Variants in ESPNL observed in about 807,000 individuals in gnomAD.
The protein encoded by ESPNL is espin like.
A neutral mutation model predicts 46.8 loss-of-function variants in ESPNL; 49 were observed. The observed-to-expected ratio is 1.05, with a 90% CI of 0.83 to 1.33. The LOEUF is 1.33. ESPNL is among the 40% of genes most tolerant of loss of function. The pLI, the probability that ESPNL is intolerant of heterozygous loss-of-function variation, is 0.00. For synonymous variants in ESPNL, 664 were observed against 662.1 expected (o/e 1.00, Z -0.04); for missense variants, 1,540 against 1,436.6 (o/e 1.07, Z -1.16).
Position 238,130,284 on chromosome 2 carries a change from C to G in ESPNL, c.1570C>G (p.Gln524Glu), listed in dbSNP as rs1559269304. 6.2e-7 allele frequency: 1 copy of G among 1,607,632 alleles called. No homozygotes were observed. Among genetic ancestry groups the G allele is most frequent in the Non-Finnish European group, 8.5e-7 (1 of 1,177,614 alleles). ...AGACCTGCAGCTTCGGCGCCGCTGT[C>G]AGGAGTATGAGAGTGAGCTGGGCCG... Reference protein sequence around the residue: ...IADLQLRRRCQEYESELGRLA... With the variant: ...IADLQLRRRCEEYESELGRLA... Residue 524 changes from glutamine to glutamate, a missense_variant, in exon 9 of 9, where the codon CAG becomes GAG. Physicochemically the swap from Gln to Glu is conservative, Grantham distance 29. Coordinates refer to ENST00000343063, the MANE Select transcript of ESPNL (RefSeq NM_194312.4).
intron 6 of ESPNL, among the ~76,000 whole-genome samples, chr2:238,125,663 G>C (rs1377465944): frequency 6.6e-6 from 1 of 152,246 alleles, no homozygotes; most frequent in Non-Finnish European, 1.5e-5. Context: ...CTTGTGGATG[G>C]GCTGCTGTCC....
At position 238,110,949 on chromosome 2, in the gene ESPNL, C is replaced by CTTTTTT. The variant is rs5839686; in HGVS notation, c.855+2992_855+2997dup. On this transcript the variant is annotated intron_variant, in intron 4 of 8. Transcript: ENST00000343063. ...GTTTCAGTATATCACATTAGTTATT[C>CTTTTTT]TTTTTTTTTTTTTTTTTTTTTGAGA... is the stretch of plus-strand genomic sequence containing the variant. 1.3e-3 allele frequency among the ~76,000 whole-genome samples: 142 copies of CTTTTTT among 110,988 alleles called. 1 individual carries two copies. The highest frequency in any genetic ancestry group is 1.9e-3 in the Non-Finnish European group (107 of 56,904). 72.8% of individuals were successfully genotyped at this position (110,988 alleles called of 152,430 possible).
At chr2:238,127,311 C>T (rs970138468) in intron 6 of ESPNL, 3 of 1,162,670 alleles carry the variant, frequency 2.6e-6, no homozygotes, top group Non-Finnish European at 3.2e-6. Context: ...AGCTTTGGGG[C>T]CTGCAGAGCT....
chr2:238,130,577 C>T lies in ESPNL; in HGVS notation c.1863C>T (p.Ser621=), dbSNP rs1410784948. 6.3e-7 allele frequency: 1 copy of T among 1,576,600 alleles called. No homozygotes were observed. Among genetic ancestry groups the T allele is most frequent in the South Asian group, 1.2e-5 (1 of 86,490 alleles). The change falls in exon 9 of 9, where the codon TCC becomes TCT. Residue 621 remains serine (S), a synonymous_variant. Transcript: ENST00000343063. ...HGLVQGDEKP[S]TRPLQDTCRE... ...TAGTACAGGGGGATGAGAAGCCATC[C>T]ACCCGGCCCCTGCAGGACACCTGCA...
intron 3 of ESPNL, 111 bp from the exon 4 acceptor site, chr2:238,107,680 T>A (rs1318006334): frequency 9.0e-7 from 1 of 1,114,370 alleles, no homozygotes; most frequent in East Asian, 2.7e-5. Context: ...TTGTACCCTG[T>A]GCCCCGAGAG....
chr2:238,100,809 G>C (rs1466490362), intron 1 of ESPNL, 96 bp downstream of exon 1: 5 of 1,116,466 alleles, frequency 4.5e-6, no homozygotes. Context: ...GCCACCCCGG[G>C]CTCCATGGCC....
intron 8 of ESPNL, 40 bp from the exon 9 acceptor site, chr2:238,130,088 G>C (rs368004668): frequency 1.9e-6 from 3 of 1,575,304 alleles, no homozygotes; most frequent in Non-Finnish European, 2.6e-6. Flanking sequence ...ATGGTGGGTG[G>C]GTGGGCTCAC....
rs539785820 is a variant in ESPNL at position 238,131,524 on chromosome 2, C to T, written c.2810C>T (p.Thr937Met). ...FGSSQRPAWD[T>M]EPGRKSGLTL... ...TCCAGCCAGCGTCCCGCCTGGGATA[C>T]GGAGCCTGGCCGCAAGTCAGGTCTG... Residue 937 changes from threonine to methionine, a missense_variant, in exon 9 of 9, where the codon ACG (threonine) becomes ATG (methionine). By Grantham distance (81) the Thr-to-Met change is moderately conservative. Coordinates refer to ENST00000343063, the MANE Select transcript of ESPNL (RefSeq NM_194312.4). 3.4e-5 allele frequency: 54 copies of T among 1,611,420 alleles called. 1 individual carries two copies. In the South Asian group the frequency reaches 5.3e-4, roughly 16 times the overall value.
rs138171057 is a variant in ESPNL at position 238,131,513 on chromosome 2, C to T, written c.2799C>T (p.Pro933=). 3.7e-3 allele frequency: 5,912 copies of T among 1,611,608 alleles called. 18 individuals carry two copies. Among genetic ancestry groups the T allele is most frequent in the Non-Finnish European group, 4.5e-3 (5,299 of 1,179,382 alleles). ...KARFFGSSQR[P]AWDTEPGRKS... Reference sequence around the variant, plus strand: ...GCTTCTTTGGCTCCAGCCAGCGTCCCGCCTGGGATACGGAGCCTGGCCGCA... The same window carrying T: ...GCTTCTTTGGCTCCAGCCAGCGTCCTGCCTGGGATACGGAGCCTGGCCGCA... The change falls in exon 9 of 9, where the codon CCC becomes CCT. Residue 933 remains proline, a synonymous_variant. Transcript: ENST00000343063.
chr2:238,107,949 C>A lies in ESPNL; in HGVS notation c.831C>A (p.Asp277Glu). ...CCTGGGGTGGGACCCCCCTCCACGACGCAGCAGAGAACGGGCAGATGGAGG... is the reference window on the plus strand; with the variant it reads ...CCTGGGGTGGGACCCCCCTCCACGAAGCAGCAGAGAACGGGCAGATGGAGG... ...RDSWGGTPLHDAAENGQMECC... is the reference protein window; with the variant it reads ...RDSWGGTPLHEAAENGQMECC... Residue 277 changes from aspartate (D) to glutamate (E), a missense_variant, in exon 4 of 9, where the codon GAC becomes GAA. By Grantham distance (45) the Asp-to-Glu change is conservative (BLOSUM62 2). Transcript: ENST00000343063. 6.2e-7 allele frequency: 1 copy of A among 1,612,764 alleles called. No homozygotes were observed. The highest frequency in any genetic ancestry group is 1.1e-5 in the South Asian group (1 of 91,000).
At chr2:238,126,961 CTGTGTGTA>C (rs1559267107) in intron 6 of ESPNL, among the ~76,000 whole-genome samples, 1 of 53,412 alleles carries the variant, frequency 1.9e-5, no homozygotes, top group East Asian at 1.0e-3. Context: ...TATTGTGTGT[CTGTGTGTA>C]TGTGTGTGAT....
At position 238,108,687 on chromosome 2, in the gene ESPNL, G is replaced by A. The variant is rs958696189; in HGVS notation, c.855+714G>A. On this transcript the variant is annotated intron_variant, in intron 4 of 8. Coordinates refer to ENST00000343063, the MANE Select transcript of ESPNL (RefSeq NM_194312.4). ...GGCTGCTCAGTCGGGAGCCAGCAGC[G>A]TGCTCCAGGCCTCTGCAAGGCTAGT... is the stretch of plus-strand genomic sequence containing the variant. 1.3e-4 allele frequency among the ~76,000 whole-genome samples: 20 copies of A among 152,288 alleles called. No homozygotes were observed. In the East Asian group the frequency reaches 1.5e-3, roughly 12 times the overall value.
chr2:238,128,754 A>G lies in ESPNL; in HGVS notation c.1263A>G (p.Ala421=), dbSNP rs1469167941. The G allele has an allele frequency of 6.3e-7, 1 of 1,599,210 alleles. No individual in the cohort carries two copies. The highest frequency in any genetic ancestry group is 8.5e-7 in the Non-Finnish European group (1 of 1,173,806). Residue 421 remains alanine, a synonymous_variant, in exon 8 of 9, where the codon GCA becomes GCG. Transcript: ENST00000343063. ...LAGDTSDGLA[A]LQLDGLPSGD... is the part of the protein sequence containing the mutation. ...GGGACACCTCAGATGGCCTGGCCGC[A>G]CTACAGCTGGATGGGCTGCCCTCAG...
At chr2:238,106,893 T>C (rs1211796096) in intron 3 of ESPNL, among the ~76,000 whole-genome samples, 5 of 152,178 alleles carry the variant, frequency 3.3e-5, no homozygotes, top group African/African-American at 1.2e-4. Context: ...TCCAGCTCAT[T>C]GTGCTTTGCC....
chr2:238,128,759 A>G lies in ESPNL; in HGVS notation c.1268A>G (p.Gln423Arg). The G allele has an allele frequency of 4.4e-6, 7 of 1,597,686 alleles. No individual in the cohort carries two copies. Among genetic ancestry groups the G allele is most frequent in the Middle Eastern group, 1.7e-4 (1 of 6,008 alleles). The change falls in exon 8 of 9, where the codon CAG (glutamine) becomes CGG (arginine). Residue 423 changes from glutamine (Q) to arginine (R), a missense_variant. Transcript: ENST00000343063. Reference sequence around the variant, plus strand: ...ACCTCAGATGGCCTGGCCGCACTACAGCTGGATGGGCTGCCCTCAGGCGAC... The same window carrying G: ...ACCTCAGATGGCCTGGCCGCACTACGGCTGGATGGGCTGCCCTCAGGCGAC... ...GDTSDGLAAL[Q>R]LDGLPSGDID...
intron 4 of ESPNL, among the ~76,000 whole-genome samples, chr2:238,109,461 C>T (rs1222936374): frequency 6.6e-6 from 1 of 152,242 alleles, no homozygotes; most frequent in African/African-American, 2.4e-5. Flanking sequence ...AGCAATCCTC[C>T]TGCCTCAGCC....
intron 4 of ESPNL, among the ~76,000 whole-genome samples, chr2:238,111,099 G>A (rs1436424841): frequency 6.6e-6 from 1 of 151,760 alleles, no homozygotes; most frequent in African/African-American, 2.4e-5. Context: ...GCTAATTTTT[G>A]TATTTTTAGT....
In ESPNL at chr2:238,130,367, C is replaced by T. The variant is rs775490901; in HGVS notation, c.1653C>T (p.Asn551=). 1.9e-6 allele frequency: 3 copies of T among 1,610,860 alleles called. No individual in the cohort carries two copies. The highest frequency in any genetic ancestry group is 3.3e-5 in the Admixed American group (2 of 59,820). ...LPEPLVSITV[N]SHFLPRAPGL... ...AGCCCCTGGTCAGCATCACGGTCAA[C>T]AGCCACTTCCTGCCCCGGGCGCCCG... is the stretch of plus-strand genomic sequence containing the variant. Residue 551 remains asparagine, a synonymous_variant, in exon 9 of 9, where the codon AAC becomes AAT. Coordinates refer to ENST00000343063, the MANE Select transcript of ESPNL (RefSeq NM_194312.4).
At chr2:238,104,148 G>A (rs1691544137) in intron 2 of ESPNL, among the ~76,000 whole-genome samples, 1 of 152,126 alleles carries the variant, frequency 6.6e-6, no homozygotes, top group Non-Finnish European at 1.5e-5. Context: ...CTGGGACAGG[G>A]TGGCGTGGTC....
Sources: allele counts gnomAD v4.1 joint callset (sites outside exome capture counted in the v4.1 genomes callset), GRCh38; gene constraint gnomAD v4.1.1; transcripts MANE v1.5; gene names NCBI Gene and HGNC (gene_info 2026-07-23, HGNC 2026-07-21).